PTPRD: variants seen among roughly 807,000 people sequenced by gnomAD.
PTPRD encodes the protein receptor-type tyrosine-protein phosphatase delta.
PTPRD carries 34 observed loss-of-function variants against 214.5 expected under a neutral mutation model. The observed-to-expected ratio is 0.16, with a 90% confidence interval of 0.12 to 0.21. The LOEUF is 0.21. Ranked by LOEUF, PTPRD falls within the 10% of genes least tolerant of loss-of-function variation. PTPRD has a pLI of 1.00. For synonymous variants in PTPRD, 1,128 were observed against 845.7 expected (o/e 1.33, Z -5.79); for missense variants, 2,545 against 2,398.7 (o/e 1.06, Z -1.27).
At chr9:8,802,361 C>T (rs149338257) in intron 11 of PTPRD, among the ~76,000 whole-genome samples, 3 of 152,164 alleles carry the variant, frequency 2.0e-5, no homozygotes, top group South Asian at 2.1e-4. Context: ...CTGACTCTCA[C>T]GCCATTAATA....
At chr9:10,206,131 G>A (rs1297674231) in intron 3 of PTPRD, among the ~76,000 whole-genome samples, 11 of 151,558 alleles carry the variant, frequency 7.3e-5, no homozygotes, top group Non-Finnish European at 2.9e-5. Context: ...AAAATTAGGA[G>A]TTTGCAAGTA....
At chr9:10,599,867 T>G (rs1028897593) in intron 2 of PTPRD, among the ~76,000 whole-genome samples, 1 of 151,848 alleles carries the variant, frequency 6.6e-6, no homozygotes, top group East Asian at 1.9e-4. Context: ...TATTTCAATC[T>G]CCCCAACAGA....
chr9:9,666,271 T>C (rs2154383316), intron 7 of PTPRD, among the ~76,000 whole-genome samples: 1 of 152,108 alleles, frequency 6.6e-6, no homozygotes, highest in African/African-American at 2.4e-5. Flanking sequence ...TGTACAGTAA[T>C]TCAAAAGGAT....
At chr9:8,319,178 C>T (rs1197292982) in intron 45 of PTPRD, among the ~76,000 whole-genome samples, 2 of 152,050 alleles carry the variant, frequency 1.3e-5, no homozygotes, top group Non-Finnish European at 2.9e-5. Flanking sequence ...TTGAGGAACA[C>T]ATATAAGTTG....
At chr9:8,780,316 A>C (rs1345540603) in intron 11 of PTPRD, among the ~76,000 whole-genome samples, 4 of 152,122 alleles carry the variant, frequency 2.6e-5, no homozygotes, top group African/African-American at 9.7e-5. Context: ...CTTTTCCCCG[A>C]GAGTAGGTGT....
At chr9:9,419,103 A>G (rs762399617) in intron 8 of PTPRD, among the ~76,000 whole-genome samples, 7 of 149,142 alleles carry the variant, frequency 4.7e-5, no homozygotes, top group Non-Finnish European at 1.0e-4. Context: ...GCTTAGTTTT[A>G]TGAATTCTAA....
At chr9:10,583,128 T>C (rs2072587785) in intron 2 of PTPRD, among the ~76,000 whole-genome samples, 1 of 152,172 alleles carries the variant, frequency 6.6e-6, no homozygotes, top group South Asian at 2.1e-4. Flanking sequence ...AGTTAGAACC[T>C]TTGTTCTTTT....
intron 2 of PTPRD, among the ~76,000 whole-genome samples, chr9:10,415,762 G>C (rs886604728): frequency 6.6e-6 from 1 of 151,864 alleles, no homozygotes; most frequent in African/African-American, 2.4e-5. Flanking sequence ...AGACAGATCA[G>C]AGAAAGAGGA....
chr9:9,940,245 T>C (rs1434249241), intron 4 of PTPRD, among the ~76,000 whole-genome samples: 3 of 152,072 alleles, frequency 2.0e-5, no homozygotes, highest in Admixed American at 2.0e-4. Flanking sequence ...TAGCGTAAGA[T>C]GGCAGCACAG....
chr9:10,044,984 A>AT (rs2097363077), intron 3 of PTPRD, among the ~76,000 whole-genome samples: 1 of 151,738 alleles, frequency 6.6e-6, no homozygotes, highest in Admixed American at 6.6e-5. Flanking sequence ...ATATTGCAGC[A>AT]TATAGAGGCT....
At chr9:9,268,700 A>G (rs760052607) in intron 9 of PTPRD, among the ~76,000 whole-genome samples, 5 of 151,222 alleles carry the variant, frequency 3.3e-5, no homozygotes, top group South Asian at 4.2e-4. Context: ...CCCAGGAATA[A>G]ACCCATGTTT....
At chr9:9,472,245 G>T (rs1194008388) in intron 8 of PTPRD, among the ~76,000 whole-genome samples, 1 of 144,424 alleles carries the variant, frequency 6.9e-6, no homozygotes, top group East Asian at 2.0e-4. Flanking sequence ...CGCCCAGGCC[G>T]GACTGCGGAC....
chr9:10,540,523 T>C (rs1259594881), intron 2 of PTPRD, among the ~76,000 whole-genome samples: 1 of 152,158 alleles, frequency 6.6e-6, no homozygotes, highest in Non-Finnish European at 1.5e-5. Context: ...TAAGTAGTAG[T>C]TTTGGAGTTT....
chr9:8,544,717 A>G (rs2079494568), intron 14 of PTPRD, among the ~76,000 whole-genome samples: 1 of 141,462 alleles, frequency 7.1e-6, no homozygotes, highest in South Asian at 2.3e-4. Flanking sequence ...GTGACCCACC[A>G]TTGTCGGCCT....
intron 5 of PTPRD, among the ~76,000 whole-genome samples, chr9:9,922,901 G>T (rs570083530): frequency 6.6e-6 from 1 of 151,964 alleles, no homozygotes; most frequent in Non-Finnish European, 1.5e-5. Flanking sequence ...CATGCTGGAG[G>T]AAAATCATGC....
At chr9:9,572,833 T>C (rs914777050) in intron 8 of PTPRD, among the ~76,000 whole-genome samples, 8 of 151,352 alleles carry the variant, frequency 5.3e-5, no homozygotes, top group African/African-American at 1.9e-4. Flanking sequence ...ATTCAATATA[T>C]TCCAATTATA....
intron 5 of PTPRD, among the ~76,000 whole-genome samples, chr9:9,927,553 T>C (rs2084779590): frequency 6.6e-6 from 1 of 152,126 alleles, no homozygotes; most frequent in East Asian, 1.9e-4. Context: ...TGGTGTCTGA[T>C]CTCTCCTTAT....
At chr9:8,985,400 C>T (rs761706066) in intron 11 of PTPRD, among the ~76,000 whole-genome samples, 4 of 151,910 alleles carry the variant, frequency 2.6e-5, no homozygotes, top group Non-Finnish European at 4.4e-5. Flanking sequence ...TATTGAATAA[C>T]CACGACCAAC....
intron 14 of PTPRD, among the ~76,000 whole-genome samples, chr9:8,552,918 C>T (rs558406560): frequency 2.6e-5 from 4 of 152,272 alleles, no homozygotes; most frequent in Admixed American, 2.6e-4. Context: ...AGAACAATTG[C>T]CTCTGTTGCT....
Sources: allele counts gnomAD v4.1 joint callset (sites outside exome capture counted in the v4.1 genomes callset), GRCh38; gene constraint gnomAD v4.1.1; transcripts MANE v1.5; gene names NCBI Gene and HGNC (gene_info 2026-07-23, HGNC 2026-07-21).